The following GLT8D2 variants were observed in gnomAD, a reference collection of about 807,000 sequenced individuals.
The protein encoded by GLT8D2 is glycosyltransferase 8 domain-containing protein 2.
In GLT8D2, 45 loss-of-function variants were observed where a neutral mutation model predicts 44.5. The observed-to-expected ratio is 1.01, with a 90% CI of 0.80 to 1.30. The LOEUF (loss-of-function observed/expected upper bound fraction) is 1.30, where lower values mean the gene tolerates loss of function less well. Among genes scored for constraint, GLT8D2 ranks in the 50% most tolerant of loss-of-function variants. The pLI, the probability that GLT8D2 is intolerant of heterozygous loss-of-function variation, is 0.00. For missense variants in GLT8D2, 400 were observed against 430.4 expected (o/e 0.93, Z 0.62); for synonymous variants, 156 against 157.2 (o/e 0.99, Z 0.06).
chr12:104,017,302 A>C (rs544246707), intron 3 of GLT8D2, among the ~76,000 whole-genome samples: 4 of 152,108 alleles, frequency 2.6e-5, no homozygotes, highest in Non-Finnish European at 5.9e-5. Flanking sequence ...TACACTTATA[A>C]ATTTTTAAAA....
chr12:104,007,025 A>G (rs1418582457), intron 4 of GLT8D2, among the ~76,000 whole-genome samples: 7 of 152,178 alleles, frequency 4.6e-5, no homozygotes, highest in African/African-American at 1.4e-4. Context: ...CGTTGACAGC[A>G]AGAGGAAGGA....
At chr12:104,022,217 G>C (rs576959525) in intron 1 of GLT8D2, among the ~76,000 whole-genome samples, 1 of 152,182 alleles carries the variant, frequency 6.6e-6, no homozygotes, top group East Asian at 1.9e-4. Flanking sequence ...ACTGTGGGAT[G>C]AGAAAGTTTA....
chr12:104,058,148 G>A (rs771331308), intron 1 of GLT8D2, among the ~76,000 whole-genome samples: 5 of 152,168 alleles, frequency 3.3e-5, no homozygotes, highest in Non-Finnish European at 5.9e-5. Context: ...TCTCCTCTAG[G>A]GACTGCTGAT....
chr12:104,014,199 C>A, intron 4 of GLT8D2: 1 of 657,866 alleles, frequency 1.5e-6, no homozygotes, highest in Non-Finnish European at 2.8e-6. Context: ...CCCATTTCTA[C>A]AAAAAATTAG....
chr12:104,054,737 G>A (rs1229882018), upstream of GLT8D2, among the ~76,000 whole-genome samples: 1 of 152,024 alleles, frequency 6.6e-6, no homozygotes, highest in Non-Finnish European at 1.5e-5. Flanking sequence ...TGTTTTCCTG[G>A]CAAAGAGCTC....
Position 103,997,548 on chromosome 12 carries a change from CAAAA to C in GLT8D2, c.403-17_403-14del. 3.8e-6 allele frequency: 6 copies of C among 1,598,798 alleles called. No individual in the cohort carries two copies. Among genetic ancestry groups the C allele is most frequent in the Non-Finnish European group, 5.1e-6 (6 of 1,166,222 alleles). ...GAACAAAGTTCAGCTGTTAAAACGA[CAAAA>C]GAAATGATGGTGGGGGAGAGGCATA... On this transcript the variant is annotated splice_polypyrimidine_tract_variant and intron_variant, in intron 6 of 10. Transcript: ENST00000360814.
chr12:104,015,748 T>A (rs553795913), intron 3 of GLT8D2, among the ~76,000 whole-genome samples: 1 of 152,158 alleles, frequency 6.6e-6, no homozygotes, highest in East Asian at 1.9e-4. Flanking sequence ...ACACCTGTAA[T>A]CCCAGCACTT....
At position 103,999,521 on chromosome 12, in the gene GLT8D2, A is replaced by T. The variant is rs750668311; in HGVS notation, c.285-7T>A. On this transcript the variant is annotated splice_region_variant and splice_polypyrimidine_tract_variant and intron_variant, in intron 5 of 10. Coordinates refer to ENST00000360814, the MANE Select transcript of GLT8D2 (RefSeq NM_001384711.1). Reference sequence around the variant, plus strand: ...GGAATGTTCAATCCATTTTCTAAAAAGATGACCAAAAAAACCTCTAGTATA... The same window carrying T: ...GGAATGTTCAATCCATTTTCTAAAATGATGACCAAAAAAACCTCTAGTATA... 1 of 1,564,812 alleles carries T rather than the reference A, an allele frequency of 6.4e-7. No individual in the cohort carries two copies. The highest frequency in any genetic ancestry group is 8.8e-7 in the Non-Finnish European group (1 of 1,137,640).
intron 1 of GLT8D2, chr12:104,031,316 C>G (rs1879221600): frequency 6.3e-7 from 1 of 1,580,550 alleles, no homozygotes; most frequent in Non-Finnish European, 8.7e-7. Context: ...GGAGGGGAAA[C>G]GTGTACTGAT....
At chr12:104,034,559 G>A (rs760776019) in intron 1 of GLT8D2, among the ~76,000 whole-genome samples, 19 of 152,356 alleles carry the variant, frequency 1.2e-4, no homozygotes, top group South Asian at 6.2e-4. Context: ...GTCTGAGATC[G>A]ACCTGCGAGG....
intron 1 of GLT8D2, among the ~76,000 whole-genome samples, chr12:104,036,006 G>A (rs1879890311): frequency 6.6e-6 from 1 of 152,096 alleles, no homozygotes; most frequent in Non-Finnish European, 1.5e-5. Context: ...GAGAGTGGGG[G>A]GCAATATTCA....
chr12:103,996,649 GT>G, intron 8 of GLT8D2, 85 bp downstream of exon 8: 1 of 937,576 alleles, frequency 1.1e-6, no homozygotes, highest in Non-Finnish European at 1.7e-6. Flanking sequence ...TGAGGTGGAG[GT>G]TACACTCATT....
At position 104,030,776 on chromosome 12, in the gene GLT8D2, G is replaced by A. The variant is rs547723727; in HGVS notation, c.-163-9285C>T. Reference sequence around the variant, plus strand: ...GTCGGTGCCGCATCCCCAGCCCGCCGCCATGGCCGCCTACAAACTGGTGCT... The same window carrying A: ...GTCGGTGCCGCATCCCCAGCCCGCCACCATGGCCGCCTACAAACTGGTGCT... On this transcript the variant is annotated intron_variant, in intron 1 of 10. Coordinates refer to ENST00000360814, the MANE Select transcript of GLT8D2 (RefSeq NM_001384711.1). The A allele has an allele frequency of 2.5e-5, 40 of 1,611,842 alleles. No individual in the cohort carries two copies. The South Asian group carries it at 4.4e-4, about 18-fold the overall frequency.
At chr12:104,042,666 A>G (rs1456241766) in intron 1 of GLT8D2, among the ~76,000 whole-genome samples, 1 of 152,218 alleles carries the variant, frequency 6.6e-6, no homozygotes, top group African/African-American at 2.4e-5. Flanking sequence ...AAGAATGTGT[A>G]GGGTGGGGTG....
intron 4 of GLT8D2, among the ~76,000 whole-genome samples, chr12:104,007,136 G>A (rs1312969054): frequency 6.6e-6 from 1 of 151,636 alleles, no homozygotes; most frequent in East Asian, 1.9e-4. Flanking sequence ...TCATACTTTA[G>A]TACCGCAATA....
intron 1 of GLT8D2, among the ~76,000 whole-genome samples, chr12:104,029,980 G>GA (rs929199619): frequency 3.0e-4 from 45 of 148,774 alleles, no homozygotes; most frequent in Middle Eastern, 7.0e-3. Flanking sequence ...CACAAAAATA[G>GA]AAAAAAAAAA....
Position 103,999,424 on chromosome 12 carries a change from G to A in GLT8D2, c.375C>T (p.Asp125=), listed in dbSNP as rs1470025564. ...PMVLKGKIRP[D]SSRPELLQPL... is the part of the protein sequence containing the mutation. ...GCTGGAGCAATTCAGGCCTCGATGAGTCTGGTCTGATCTTCCCTTTGAGGA... is the reference window on the plus strand; with the variant it reads ...GCTGGAGCAATTCAGGCCTCGATGAATCTGGTCTGATCTTCCCTTTGAGGA... The change falls in exon 6 of 11, where the codon GAC becomes GAT. Residue 125 remains aspartate (D), a synonymous_variant. Transcript: ENST00000360814. 17 of 1,611,626 alleles carry A rather than the reference G, an allele frequency of 1.1e-5. No individual in the cohort carries two copies. Among genetic ancestry groups the A allele is most frequent in the Non-Finnish European group, 1.2e-5 (14 of 1,177,876 alleles).
chr12:104,046,253 GTATTAAC>G (rs1422266795), intron 1 of GLT8D2, among the ~76,000 whole-genome samples: 2 of 152,074 alleles, frequency 1.3e-5, no homozygotes, highest in Non-Finnish European at 2.9e-5. Context: ...TGCTACATAA[GTATTAAC>G]TATTATTATT....
In GLT8D2 at chr12:104,057,316, T is replaced by C. The variant is rs183420819; in HGVS notation, c.-423+6633A>G. On this transcript the variant is annotated intron_variant, in intron 1 of 10. Transcript: ENST00000548660. ...GAAGGCTGAGGCTTGAGCTCAGGAGTTCAAGACCAGCCTGAGCAACATAGG... is the reference window on the plus strand; with the variant it reads ...GAAGGCTGAGGCTTGAGCTCAGGAGCTCAAGACCAGCCTGAGCAACATAGG... Among the ~76,000 whole-genome samples, 229 of 151,660 alleles carry C rather than the reference T, an allele frequency of 1.5e-3. 3 individuals carry two copies. Among genetic ancestry groups the C allele is most frequent in the African/African-American group, 5.4e-3 (222 of 41,346 alleles).
Sources: gnomAD v4.1 joint callset for allele counts (sites outside exome capture counted in the v4.1 genomes callset) on GRCh38, gnomAD v4.1.1 for gene constraint, MANE v1.5 for transcripts, NCBI Gene and HGNC (gene_info 2026-07-23, HGNC 2026-07-21) for gene names.